Variants in MUC12 observed in about 807,000 individuals in gnomAD.
MUC12 encodes mucin-12.
In MUC12, 172 loss-of-function variants were observed where a neutral mutation model predicts 230.8. That is an observed-to-expected ratio of 0.75 (90% CI 0.66 to 0.85). MUC12 has a LOEUF of 0.85. Among genes scored for constraint, MUC12 ranks in the 40% least tolerant of loss-of-function variants. The probability of loss-of-function intolerance (pLI) is 0.00; values close to 1 mark genes in which losing one functional copy is unlikely to be tolerated. For missense variants in MUC12, 3,506 were observed against 5,920.6 expected, an observed-to-expected ratio of 0.59 and a Z score of 13.38; for synonymous variants, 1,259 against 2,401.9, an observed-to-expected ratio of 0.52 and a Z score of 13.91.
Position 100,991,915 on chromosome 7 carries a change from TC to T in MUC12, c.1353del (p.Leu452TyrfsTer61). On this transcript the variant is annotated frameshift_variant, in exon 2 of 12. Transcript: ENST00000536621. LOFTEE classifies it high-confidence loss of function. Reference sequence around the variant, plus strand: ...AGCCCAGATGCAATGGCAACAACAGTCTTACCTGCCGGCTCTACACCCTCAG... The same window carrying T: ...AGCCCAGATGCAATGGCAACAACAGTTTACCTGCCGGCTCTACACCCTCAG... Reference protein sequence around the residue: ...HSSPDAMATTVLPAGSTPSVL... With the variant: ...HSSPDAMATTXLPAGSTPSVL... 1 of 1,536,742 alleles carries T rather than the reference TC, an allele frequency of 6.5e-7. No individual in the cohort carries two copies. Among genetic ancestry groups the T allele is most frequent in the Non-Finnish European group, 8.7e-7 (1 of 1,146,780 alleles).
chr7:100,981,393 G>C (rs781737277), intron 1 of MUC12: 4 of 647,064 alleles, frequency 6.2e-6, no homozygotes, highest in Non-Finnish European at 1.1e-5. Flanking sequence ...TGGGCTTGGT[G>C]GAGTTTGCTA....
rs773832933 is a variant in MUC12, at chr7:100,995,555, C to G, written c.4992C>G (p.His1664Gln). The change falls in exon 2 of 12, where the codon CAC (histidine) becomes CAG (glutamine). Residue 1664 changes from histidine to glutamine, a missense_variant. Physicochemically the swap from His to Gln is conservative, Grantham distance 24 (BLOSUM62 0). Coordinates refer to ENST00000536621, the MANE Select transcript of MUC12 (RefSeq NM_001164462.2). ...SGLLEASTPV[H>Q]SSTGSPHTTL... ...TCCTTGAAGCATCTACGCCCGTCCA[C>G]AGCAGCACTGGATCGCCACACACAA... The G allele has an allele frequency of 8.5e-6, 13 of 1,536,576 alleles. No individual in the cohort carries two copies. Among genetic ancestry groups the G allele is most frequent in the Admixed American group, 7.9e-5 (4 of 50,950 alleles).
In MUC12 at chr7:101,005,004, C is replaced by T. The variant is rs562070491; in HGVS notation, c.14441C>T (p.Thr4814Ile). The T allele has an allele frequency of 1.3e-6, 2 of 1,537,734 alleles. No individual in the cohort carries two copies. Among genetic ancestry groups the T allele is most frequent in the South Asian group, 1.2e-5 (1 of 84,062 alleles). ...TETTLSPGSI[T>I]TSSFAQEFTT... is the part of the protein sequence containing the mutation. ...ACAACACTGTCCCCTGGCAGCATCACAACTTCATCTTTTGCTCAAGAATTT... is the reference window on the plus strand; with the variant it reads ...ACAACACTGTCCCCTGGCAGCATCATAACTTCATCTTTTGCTCAAGAATTT... Residue 4814 changes from threonine to isoleucine, a missense_variant, in exon 2 of 12, where the codon ACA (threonine) becomes ATA (isoleucine). By Grantham distance (89) the Thr-to-Ile change is moderately conservative (BLOSUM62 -1). Coordinates refer to ENST00000536621, the MANE Select transcript of MUC12 (RefSeq NM_001164462.2).
Position 101,009,029 on chromosome 7 carries a change from A to G in MUC12, c.15187-66A>G, listed in dbSNP as rs1793801518. On this transcript the variant is annotated intron_variant, in intron 4 of 11. Transcript: ENST00000536621. ...CAGAAAGGTGCCTAGGGCTGCCTCA[A>G]GAAGGGTAACAGGAGAGTCTTCATG... 2.6e-6 allele frequency: 4 copies of G among 1,511,826 alleles called. No individual in the cohort carries two copies. The African/African-American group carries it at 5.5e-5, about 21-fold the overall frequency. 93.7% of individuals were successfully genotyped at this position (1,511,826 alleles called of 1,614,324 possible). A position where few individuals can be genotyped will look rare whatever the true frequency, so the allele number is the denominator to read the frequency against.
Position 100,983,687 on chromosome 7 carries a change from G to A in MUC12, c.68-6944G>A, listed in dbSNP as rs1407581795. Among the ~76,000 whole-genome samples, 2 of 152,130 alleles carry A rather than the reference G, an allele frequency of 1.3e-5. 1 individual carries two copies. Among genetic ancestry groups the A allele is most frequent in the Non-Finnish European group, 2.9e-5 (2 of 68,016 alleles). ...GTTCCAGTTAATGTGTCCTGTGATA[G>A]GGCGAGTACAGGAATCTGCTCTGTA... On this transcript the variant is annotated intron_variant, in intron 1 of 11. Coordinates refer to ENST00000536621, the MANE Select transcript of MUC12 (RefSeq NM_001164462.2).
chr7:100,975,565 T>A (rs1446520160), intron 1 of MUC12, among the ~76,000 whole-genome samples: 46 of 152,390 alleles, frequency 3.0e-4, no homozygotes, highest in African/African-American at 1.0e-3. Context: ...GTGCTCTGGA[T>A]AAGGCAGGGT....
In MUC12 at chr7:101,004,776, C is replaced by G. The variant is rs1022399478; in HGVS notation, c.14213C>G (p.Ser4738Cys). 2 of 1,537,686 alleles carry G rather than the reference C, an allele frequency of 1.3e-6. No individual in the cohort carries two copies. The highest frequency in any genetic ancestry group is 2.7e-5 in the African/African-American group (2 of 73,018). ...ACAACACCAGGCCTCAGTGCAAAAT[C>G]TACCATCCTTTACAGTAGCTCCAGA... ...TATTPGLSAK[S>C]TILYSSSRSP... The change falls in exon 2 of 12, where the codon TCT becomes TGT. Residue 4738 changes from serine (S) to cysteine (C), a missense_variant. Physicochemically the swap from Ser to Cys is moderately radical, Grantham distance 112. Transcript: ENST00000536621.
chr7:100,999,238 C>G lies in MUC12; in HGVS notation c.8675C>G (p.Thr2892Arg), dbSNP rs748375080. The G allele has an allele frequency of 6.0e-6, 9 of 1,499,568 alleles. No individual in the cohort carries two copies. The East Asian group carries it at 2.0e-4, about 33-fold the overall frequency. The allele number at this position is 1,499,568 out of a possible 1,614,324, so 92.9% of individuals were successfully genotyped here. A position where few individuals can be genotyped will look rare whatever the true frequency, so the allele number is the denominator to read the frequency against. The change falls in exon 2 of 12, where the codon ACG becomes AGG. Residue 2892 changes from threonine to arginine, a missense_variant. Transcript: ENST00000536621. ...ACATCCCACAGTCAACCAGGCTCAACGCACACAACAGCGTTCCCTGACAGC... is the reference window on the plus strand; with the variant it reads ...ACATCCCACAGTCAACCAGGCTCAAGGCACACAACAGCGTTCCCTGACAGC... ...SSTSHSQPGS[T>R]HTTAFPDSTT...
Position 100,997,372 on chromosome 7 carries a change from C to T in MUC12, c.6809C>T (p.Thr2270Ile). 3.7e-6 allele frequency: 1 copy of T among 272,882 alleles called. No homozygotes were observed. The highest frequency in any genetic ancestry group is 4.5e-6 in the Non-Finnish European group (1 of 220,046). The allele number at this position is 272,882 out of a possible 1,614,324, so 16.9% of individuals were successfully genotyped here. A position where few individuals can be genotyped will look rare whatever the true frequency, so the allele number is the denominator to read the frequency against. ...ACCTCAGTTCGTGGTGAAGAGCCTA[C>T]AACCTTCCACAGCCGGCCAGCCTCA... ...PTTSVRGEEP[T>I]TFHSRPASTH... is the part of the protein sequence containing the mutation. The change falls in exon 2 of 12, where the codon ACA (threonine) becomes ATA (isoleucine). Residue 2270 changes from threonine (T) to isoleucine (I), a missense_variant. By Grantham distance (89) the Thr-to-Ile change is moderately conservative. Coordinates refer to ENST00000536621, the MANE Select transcript of MUC12 (RefSeq NM_001164462.2).
In MUC12 at chr7:100,991,951, G is replaced by A. The variant is rs1239308561; in HGVS notation, c.1388G>A (p.Gly463Glu). The change falls in exon 2 of 12, where the codon GGA becomes GAA. Residue 463 changes from glycine (G) to glutamate (E), a missense_variant. Coordinates refer to ENST00000536621, the MANE Select transcript of MUC12 (RefSeq NM_001164462.2). ...PAGSTPSVLV[G>E]DSTPSPISSG... The stretch of plus-strand genomic sequence containing the variant: ...GGCTCTACACCCTCAGTTCTTGTTG[G>A]AGACTCGACGCCCTCACCCATCAGT... 9.8e-6 allele frequency: 15 copies of A among 1,537,678 alleles called. No homozygotes were observed. The highest frequency in any genetic ancestry group is 1.3e-5 in the Non-Finnish European group (15 of 1,147,056).
chr7:101,014,119 G>A (rs1038920642), intron 9 of MUC12, 45 bp downstream of exon 9: 12 of 1,477,876 alleles, frequency 8.1e-6, no homozygotes, highest in Non-Finnish European at 1.1e-5. Flanking sequence ...AGAGGGGACA[G>A]ATCCTGGGGT....
chr7:101,014,613 G>A (rs1011674604), intron 9 of MUC12, among the ~76,000 whole-genome samples: 18 of 152,000 alleles, frequency 1.2e-4, no homozygotes, highest in African/African-American at 4.3e-4. Flanking sequence ...GAGTAGCTGG[G>A]ATTACAAGTG....
chr7:101,015,194 T>C (rs1793896807), intron 9 of MUC12: 1 of 182,572 alleles, frequency 5.5e-6, no homozygotes, highest in Non-Finnish European at 1.2e-5. Context: ...TAGTTATCAC[T>C]CACCTTGGCC....
At position 100,992,254 on chromosome 7, in the gene MUC12, C is replaced by G. The variant is rs35240454; in HGVS notation, c.1691C>G (p.Ser564Cys). ...CCAGGCCCCACAGACACAACATTGT[C>G]CCCTGGCAGTACCACAGCATCATCC... ...SSPGPTDTTL[S>C]PGSTTASSLG... Residue 564 changes from serine (S) to cysteine (C), a missense_variant, in exon 2 of 12, where the codon TCC (serine) becomes TGC (cysteine). By Grantham distance (112) the Ser-to-Cys change is moderately radical (BLOSUM62 -1). Transcript: ENST00000536621. 1 of 1,535,284 alleles carries G rather than the reference C, an allele frequency of 6.5e-7. No individual in the cohort carries two copies.
At chr7:100,982,440 C>T (rs76610332) in intron 1 of MUC12, among the ~76,000 whole-genome samples, 24 of 145,164 alleles carry the variant, frequency 1.7e-4, no homozygotes, top group Admixed American at 4.8e-4. Context: ...CTTTTCTTTT[C>T]TTTTTTTTTT....
intron 10 of MUC12, among the ~76,000 whole-genome samples, chr7:101,016,103 G>A (rs1258058548): frequency 6.6e-6 from 1 of 152,120 alleles, no homozygotes; most frequent in Non-Finnish European, 1.5e-5. Flanking sequence ...CACAGTGGGA[G>A]CCCAGTAAGC....
At position 101,004,876 on chromosome 7, in the gene MUC12, C is replaced by A. The variant is rs1321944511; in HGVS notation, c.14313C>A (p.Ser4771Arg). 2 of 1,537,710 alleles carry A rather than the reference C, an allele frequency of 1.3e-6. No homozygotes were observed. The highest frequency in any genetic ancestry group is 3.9e-5 in the Admixed American group (2 of 50,974). The change falls in exon 2 of 12, where the codon AGC becomes AGA. Residue 4771 changes from serine to arginine, a missense_variant. By Grantham distance (110) the Ser-to-Arg change is moderately radical. Coordinates refer to ENST00000536621, the MANE Select transcript of MUC12 (RefSeq NM_001164462.2). ...SISGEPTSLY[S>R]QAESTHTTAF... ...GTGGAGAACCCACCAGCTTGTATAG[C>A]CAAGCAGAGTCAACACACACAACAG... is the stretch of plus-strand genomic sequence containing the variant.
rs532173591 is a variant in MUC12 at position 101,015,765 on chromosome 7, G to A, written c.15877+74G>A. 27 of 1,358,906 alleles carry A rather than the reference G, an allele frequency of 2.0e-5. No homozygotes were observed. In the African/African-American group the frequency reaches 3.2e-4, roughly 16 times the overall value. 84.2% of individuals were successfully genotyped at this position (1,358,906 alleles called of 1,614,324 possible). ...AAGGCAGGGCGGTGCCTGTGCCTGTGGGGGTGACGTGGGGTCCAGCCCCCC... is the reference window on the plus strand; with the variant it reads ...AAGGCAGGGCGGTGCCTGTGCCTGTAGGGGTGACGTGGGGTCCAGCCCCCC... On this transcript the variant is annotated intron_variant, in intron 10 of 11. Transcript: ENST00000536621.
Position 101,008,118 on chromosome 7 carries a change from T to C in MUC12, c.15059-516T>C, listed in dbSNP as rs376543006. 2.7e-5 allele frequency among the ~76,000 whole-genome samples: 4 copies of C among 150,258 alleles called. No homozygotes were observed. In the East Asian group the frequency reaches 6.0e-4, roughly 22 times the overall value. On this transcript the variant is annotated intron_variant, in intron 3 of 11. Transcript: ENST00000536621. ...CGCGCCCGGCCGGTAGCTCTATTTTTAGTTTTAGGAACCTCCATTTCTTTT... is the reference window on the plus strand; with the variant it reads ...CGCGCCCGGCCGGTAGCTCTATTTTCAGTTTTAGGAACCTCCATTTCTTTT...
Sources: allele counts gnomAD v4.1 joint callset (sites outside exome capture counted in the v4.1 genomes callset), GRCh38; gene constraint gnomAD v4.1.1; transcripts MANE v1.5; gene names NCBI Gene and HGNC (gene_info 2026-07-23, HGNC 2026-07-21).